Variants in ATP10B observed in about 807,000 individuals in gnomAD.
The protein encoded by ATP10B is ATPase phospholipid transporting 10B (putative).
A neutral mutation model predicts 141.2 loss-of-function variants in ATP10B; 122 were observed. The ratio of observed to expected loss-of-function variants is 0.86; its 90% CI spans 0.75 to 1.00. ATP10B has a LOEUF of 1.00. Among genes scored for constraint, ATP10B ranks in the 50% least tolerant of loss-of-function variants. The probability of loss-of-function intolerance (pLI) is 0.00; values close to 1 mark genes in which losing one functional copy is unlikely to be tolerated. For synonymous variants in ATP10B, 685 were observed against 692.0 expected (o/e 0.99, Z 0.16); for missense variants, 1,876 against 1,825.3 (o/e 1.03, Z -0.51).
At chr5:160,618,358 T>C (rs1431322914) in intron 15 of ATP10B, among the ~76,000 whole-genome samples, 3 of 152,246 alleles carry the variant, frequency 2.0e-5, no homozygotes, top group Non-Finnish European at 2.9e-5. Flanking sequence ...ATCTTTATTG[T>C]TACCTAAGGT....
At chr5:160,871,909 C>T in the ATP10B span, among the ~76,000 whole-genome samples, 1 of 152,034 alleles carries the variant, frequency 6.6e-6, no homozygotes, top group South Asian at 2.1e-4. Context: ...GTGTAGACAT[C>T]CAGCAGTGGG....
chr5:160,901,596 T>A, the ATP10B span, among the ~76,000 whole-genome samples: 12 of 152,108 alleles, frequency 7.9e-5, no homozygotes, highest in African/African-American at 2.7e-4. Flanking sequence ...ATGAAGGGAA[T>A]ACACAAAGCG....
intron 25 of ATP10B, among the ~76,000 whole-genome samples, chr5:160,568,589 G>A (rs1895190): frequency 0.37 from 56,671 of 151,962 alleles, 11,151 homozygotes; most frequent in African/African-American, 0.48. Context: ...AGTGGGCTGC[G>A]GAATAGAACA....
chr5:160,899,742 T>G, the ATP10B span, among the ~76,000 whole-genome samples: 1 of 152,084 alleles, frequency 6.6e-6, no homozygotes, highest in South Asian at 2.1e-4. Context: ...CTAAACAAAA[T>G]TAGATGACAA....
chr5:160,899,137 G>A, the ATP10B span, among the ~76,000 whole-genome samples: 1 of 151,902 alleles, frequency 6.6e-6, no homozygotes, highest in African/African-American at 2.4e-5. Flanking sequence ...AGAACTTAAG[G>A]TATAATAAAA....
At chr5:160,852,805 C>CAT (rs1187026076), upstream of ATP10B, among the ~76,000 whole-genome samples, 1 of 151,904 alleles carries the variant, frequency 6.6e-6, no homozygotes, top group Non-Finnish European at 1.5e-5. Context: ...AACTAATTGG[C>CAT]ATAAATGTCA....
In ATP10B at chr5:160,652,594, G is replaced by A. The variant is rs945529534; in HGVS notation, c.676-3338C>T. 3.6e-4 allele frequency among the ~76,000 whole-genome samples: 51 copies of A among 141,816 alleles called. 2 individuals carry two copies. Among genetic ancestry groups the A allele is most frequent in the Non-Finnish European group, 1.2e-4 (8 of 66,216 alleles). The allele number at this position is 141,816 out of a possible 152,430, so 93.0% of individuals were successfully genotyped here. On this transcript the variant is annotated intron_variant, in intron 7 of 25. Transcript: ENST00000327245. ...CCACCTCAGCCTCCTGAGTAGCTGG[G>A]ACTACAGGCGTGCACCACCAGACCT...
chr5:160,631,115 T>G (rs1283952605), intron 13 of ATP10B, among the ~76,000 whole-genome samples: 1 of 152,206 alleles, frequency 6.6e-6, no homozygotes, highest in Middle Eastern at 3.2e-3. Flanking sequence ...AAGGACCATT[T>G]TTATAATCTA....
At chr5:160,866,885 T>C in the ATP10B span, among the ~76,000 whole-genome samples, 1 of 151,968 alleles carries the variant, frequency 6.6e-6, no homozygotes, top group Admixed American at 6.6e-5. Context: ...ACTGTTAAAA[T>C]AGAAGTAGCA....
intron 6 of ATP10B, among the ~76,000 whole-genome samples, chr5:160,676,945 T>C (rs1763068361): frequency 1.3e-5 from 2 of 152,068 alleles, no homozygotes; most frequent in Non-Finnish European, 2.9e-5. Context: ...GTGATGGTGG[T>C]GGGAGTGACA....
intron 6 of ATP10B, among the ~76,000 whole-genome samples, chr5:160,671,000 A>G (rs1762659447): frequency 6.6e-6 from 1 of 151,844 alleles, no homozygotes; most frequent in African/African-American, 2.4e-5. Flanking sequence ...CCCTGTCTCT[A>G]CTAAAAATAC....
intron 3 of ATP10B, among the ~76,000 whole-genome samples, chr5:160,701,576 G>A (rs1363157064): frequency 6.6e-6 from 1 of 152,090 alleles, no homozygotes; most frequent in Non-Finnish European, 1.5e-5. Context: ...TTCTACCCTA[G>A]AGCTGCCTGA....
At chr5:160,781,345 T>C (rs986410476) in intron 2 of ATP10B, among the ~76,000 whole-genome samples, 13 of 152,116 alleles carry the variant, frequency 8.5e-5, no homozygotes, top group African/African-American at 3.1e-4. Context: ...CCTTTTGCCT[T>C]GGGGATGTTT....
intron 1 of ATP10B, among the ~76,000 whole-genome samples, chr5:160,798,754 T>G (rs958094920): frequency 1.3e-3 from 196 of 149,148 alleles, no homozygotes; most frequent in African/African-American, 4.7e-3. Flanking sequence ...ATTTTTTTTT[T>G]TTTTTTTTTT....
intron 13 of ATP10B, among the ~76,000 whole-genome samples, chr5:160,626,872 T>C (rs1360803097): frequency 6.6e-6 from 1 of 152,222 alleles, no homozygotes; most frequent in Non-Finnish European, 1.5e-5. Context: ...TCTTTCAGTT[T>C]TAATAATAAC....
chr5:160,708,603 T>C (rs1765161504), intron 3 of ATP10B, among the ~76,000 whole-genome samples: 1 of 152,210 alleles, frequency 6.6e-6, no homozygotes, highest in Non-Finnish European at 1.5e-5. Flanking sequence ...TGGGGCTCTG[T>C]TGAGTACAGA....
upstream of ATP10B, among the ~76,000 whole-genome samples, chr5:160,854,298 G>T (rs1220203660): frequency 6.6e-6 from 1 of 152,014 alleles, no homozygotes; most frequent in African/African-American, 2.4e-5. Flanking sequence ...CCTACATTTG[G>T]CATTTCTCCT....
chr5:160,887,563 A>G, the ATP10B span, among the ~76,000 whole-genome samples: 1 of 152,160 alleles, frequency 6.6e-6, no homozygotes, highest in East Asian at 1.9e-4. Flanking sequence ...TAAGAGCCCA[A>G]GTCCTTAAAG....
Position 160,632,238 on chromosome 5 carries a change from G to A in ATP10B, c.1511C>T (p.Pro504Leu), listed in dbSNP as rs776282613. 3 of 1,614,052 alleles carry A rather than the reference G, an allele frequency of 1.9e-6. No individual in the cohort carries two copies. The highest frequency in any genetic ancestry group is 2.5e-6 in the Non-Finnish European group (3 of 1,180,032). ...CCGGGCACTCTGGCTCCTCCTCAGAGGCTGAGCACCTTTTTGGCTTCTCAT... is the reference window on the plus strand; with the variant it reads ...CCGGGCACTCTGGCTCCTCCTCAGAAGCTGAGCACCTTTTTGGCTTCTCAT... ...ATMRSQKGAQ[P>L]LRRSQSARVP... is the part of the protein sequence containing the mutation. Residue 504 changes from proline (P) to leucine (L), a missense_variant, in exon 13 of 26, where the codon CCT becomes CTT. Physicochemically the swap from Pro to Leu is moderately conservative, Grantham distance 98. Coordinates refer to ENST00000327245, the MANE Select transcript of ATP10B (RefSeq NM_025153.3).
Sources: allele counts gnomAD v4.1 joint callset (sites outside exome capture counted in the v4.1 genomes callset), GRCh38; gene constraint gnomAD v4.1.1; transcripts MANE v1.5; gene names NCBI Gene and HGNC (gene_info 2026-07-23, HGNC 2026-07-21).